Variants in ZFHX3 observed in about 807,000 individuals in gnomAD.
ZFHX3 encodes the protein zinc finger homeobox protein 3.
In ZFHX3, 42 loss-of-function variants were observed where a neutral mutation model predicts 279.1. The observed-to-expected ratio is 0.15, with a 90% CI of 0.12 to 0.19. The LOEUF is 0.19. Among genes scored for constraint, ZFHX3 ranks in the 10% least tolerant of loss-of-function variants. The pLI, the probability that ZFHX3 is intolerant of heterozygous loss-of-function variation, is 1.00. For missense variants in ZFHX3, 4,981 were observed against 4,754.0 expected (o/e 1.05, Z -1.40); for synonymous variants, 2,293 against 1,957.8 (o/e 1.17, Z -4.52).
chr16:73,776,989 G>A (rs756480049), intron 1 of ZFHX3, among the ~76,000 whole-genome samples: 12 of 152,074 alleles, frequency 7.9e-5, no homozygotes, highest in African/African-American at 2.2e-4. Context: ...GGCAACATCC[G>A]GAGCTAGGAT....
chr16:72,974,467 C>T (rs921638440), intron 1 of ZFHX3, among the ~76,000 whole-genome samples: 12 of 152,100 alleles, frequency 7.9e-5, no homozygotes, highest in Non-Finnish European at 1.3e-4. Flanking sequence ...GAAAACCACT[C>T]GGTGGGCTCA....
chr16:73,530,964 C>G (rs1175120331), intron 2 of ZFHX3, among the ~76,000 whole-genome samples: 2 of 152,180 alleles, frequency 1.3e-5, no homozygotes, highest in Non-Finnish European at 2.9e-5. Flanking sequence ...TGCCAACATG[C>G]TGAAAACCTA....
intron 2 of ZFHX3, among the ~76,000 whole-genome samples, chr16:73,653,421 C>A (rs1471184773): frequency 6.6e-6 from 1 of 152,056 alleles, no homozygotes; most frequent in Admixed American, 6.5e-5. Context: ...AAACAGAAAT[C>A]ATTAAACAAA....
intron 3 of ZFHX3, among the ~76,000 whole-genome samples, chr16:73,365,262 A>G (rs1303586689): frequency 6.6e-6 from 1 of 152,186 alleles, no homozygotes. Flanking sequence ...TCTGCTTCAC[A>G]TACAGATTGC....
Position 73,410,658 on chromosome 16 carries a change from T to A in ZFHX3, c.-1291+45345A>T, listed in dbSNP as rs117806842. Among the ~76,000 whole-genome samples the A allele has an allele frequency of 7.3e-5, 11 of 151,552 alleles. No individual in the cohort carries two copies. The East Asian group carries it at 2.0e-3, about 27-fold the overall frequency. ...CACAGCCCAGATGAGTGCTGTCCCA[T>A]CTCCTGCTCTTGGACCAGTGTGATC... On this transcript the variant is annotated intron_variant, in intron 3 of 17. Transcript: ENST00000641206.
chr16:72,881,994 CT>C (rs1326830786), intron 4 of ZFHX3, among the ~76,000 whole-genome samples: 1 of 152,080 alleles, frequency 6.6e-6, no homozygotes, highest in Non-Finnish European at 1.5e-5. Flanking sequence ...ACATGATGTC[CT>C]GTGGCTCCCT....
intron 4 of ZFHX3, among the ~76,000 whole-genome samples, chr16:72,865,440 C>G (rs1190342065): frequency 6.6e-6 from 1 of 152,238 alleles, no homozygotes; most frequent in African/African-American, 2.4e-5. Context: ...TGGGCCATAT[C>G]AGGCATTTGG....
rs777898308 is a variant in ZFHX3 at position 72,959,505 on chromosome 16, G to C, written c.641C>G (p.Ala214Gly). ...CGCCAGGGCTGAGGTATTCGGGAAAGCCTGGTCTGGGCCCTCAAACCATTT... is the reference window on the plus strand; with the variant it reads ...CGCCAGGGCTGAGGTATTCGGGAAACCCTGGTCTGGGCCCTCAAACCATTT... ...FGKWFEGPDQAFPNTSALAGL... is the reference protein window; with the variant it reads ...FGKWFEGPDQGFPNTSALAGL... The change falls in exon 2 of 10, where the codon GCT becomes GGT. Residue 214 changes from alanine (A) to glycine (G), a missense_variant. This residue lies in a region of ZFHX3 where 1,068 missense variants were observed against 935.2 expected (regional missense o/e 1.14). Transcript: ENST00000268489. 6.2e-7 allele frequency: 1 copy of C among 1,614,272 alleles called. No individual in the cohort carries two copies. Among genetic ancestry groups the C allele is most frequent in the Non-Finnish European group, 8.5e-7 (1 of 1,180,044 alleles).
At chr16:73,473,685 T>A (rs2018715084) in intron 2 of ZFHX3, among the ~76,000 whole-genome samples, 1 of 152,216 alleles carries the variant, frequency 6.6e-6, no homozygotes, top group South Asian at 2.1e-4. Flanking sequence ...AACATGTTGC[T>A]ACCTGCAATA....
chr16:73,127,273 G>A, intron 7 of ZFHX3: 2 of 1,201,800 alleles, frequency 1.7e-6, no homozygotes, highest in Non-Finnish European at 1.1e-6. Context: ...TAGGAATGTG[G>A]AGGAAACTGA....
At chr16:73,787,853 G>GTGTGTGT (rs1555501659) in intron 1 of ZFHX3, among the ~76,000 whole-genome samples, 1 of 137,216 alleles carries the variant, frequency 7.3e-6, no homozygotes, top group African/African-American at 2.8e-5. Context: ...GTGTGTGTGT[G>GTGTGTGT]AAAGAGAGAG....
intron 2 of ZFHX3, among the ~76,000 whole-genome samples, chr16:73,628,322 A>G (rs1483054156): frequency 2.0e-5 from 3 of 152,208 alleles, no homozygotes; most frequent in Admixed American, 6.5e-5. Flanking sequence ...GATGATTCCT[A>G]GAGTTCAAAT....
intron 1 of ZFHX3, among the ~76,000 whole-genome samples, chr16:73,779,397 AGAG>A (rs1387147889): frequency 4.2e-5 from 6 of 143,834 alleles, no homozygotes; most frequent in African/African-American, 1.6e-4. Context: ...TGATGAAGAA[AGAG>A]GAGGAGGAGG....
chr16:73,111,206 G>C (rs1966369179), intron 7 of ZFHX3, among the ~76,000 whole-genome samples: 1 of 152,162 alleles, frequency 6.6e-6, no homozygotes, highest in Non-Finnish European at 1.5e-5. Context: ...CTTCCAAAGA[G>C]TTGGGATTAC....
intron 4 of ZFHX3, among the ~76,000 whole-genome samples, chr16:73,288,720 C>A (rs749371772): frequency 2.0e-5 from 3 of 152,096 alleles, no homozygotes; most frequent in Non-Finnish European, 4.4e-5. Context: ...CCGCTCTACA[C>A]AAAAGGCGGC....
intron 1 of ZFHX3, among the ~76,000 whole-genome samples, chr16:73,857,924 T>G (rs1222102381): frequency 6.6e-6 from 1 of 152,004 alleles, no homozygotes; most frequent in Non-Finnish European, 1.5e-5. Flanking sequence ...CTGGCCAACA[T>G]GGTGAAACCG....
At chr16:73,502,777 C>G (rs2143668262) in intron 2 of ZFHX3, among the ~76,000 whole-genome samples, 1 of 152,362 alleles carries the variant, frequency 6.6e-6, no homozygotes, top group East Asian at 1.9e-4. Flanking sequence ...CCCACTAGAG[C>G]TACTGAATGC....
intron 4 of ZFHX3, among the ~76,000 whole-genome samples, chr16:72,834,141 G>C (rs921337621): frequency 1.6e-4 from 24 of 152,280 alleles, no homozygotes; most frequent in African/African-American, 5.5e-4. Flanking sequence ...TAGCTAACTT[G>C]GGAGGCTGAG....
intron 2 of ZFHX3, among the ~76,000 whole-genome samples, chr16:73,570,654 G>GA (rs760221114): frequency 2.6e-5 from 4 of 151,872 alleles, no homozygotes; most frequent in African/African-American, 7.2e-5. Flanking sequence ...TATATTAAAA[G>GA]AAAAAAATCT....
Sources: gnomAD v4.1 joint callset for allele counts (sites outside exome capture counted in the v4.1 genomes callset) on GRCh38, gnomAD v4.1.1 for gene constraint, gnomAD v4.1.1 regional missense constraint, MANE v1.5 for transcripts, NCBI Gene and HGNC (gene_info 2026-07-23, HGNC 2026-07-21) for gene names.